ENOX1: variants seen among roughly 807,000 people sequenced by gnomAD.
ENOX1 encodes the protein ecto-NOX disulfide-thiol exchanger 1.
In ENOX1, 42 loss-of-function variants were observed where a neutral mutation model predicts 82.5. The ratio of observed to expected loss-of-function variants is 0.51; its 90% CI spans 0.40 to 0.66. ENOX1 has a LOEUF of 0.66. ENOX1 is among the 30% of genes least tolerant of loss of function. The pLI is 0.00. For missense variants in ENOX1, 608 were observed against 811.6 expected, an observed-to-expected ratio of 0.75 and a Z score of 3.05; for synonymous variants, 271 against 282.2, an observed-to-expected ratio of 0.96 and a Z score of 0.40.
At chr13:43,657,297 C>A (rs1353054015) in intron 2 of ENOX1, among the ~76,000 whole-genome samples, 1 of 152,142 alleles carries the variant, frequency 6.6e-6, no homozygotes, top group East Asian at 1.9e-4. Context: ...GCTTTCAATT[C>A]TTTAAGTAAT....
intron 2 of ENOX1, among the ~76,000 whole-genome samples, chr13:43,616,226 G>A (rs1208850747): frequency 1.8e-4 from 14 of 79,906 alleles, no homozygotes; most frequent in Admixed American, 3.3e-4. Flanking sequence ...TTTTTAGGAC[G>A]GAGTCTTACT....
intron 1 of ENOX1, among the ~76,000 whole-genome samples, chr13:43,669,676 C>A (rs954338817): frequency 6.6e-6 from 1 of 152,106 alleles, no homozygotes; most frequent in Non-Finnish European, 1.5e-5. Flanking sequence ...GGAATCAAAT[C>A]CCTGTTATCA....
chr13:43,305,883 C>T lies in ENOX1; in HGVS notation c.1262-7353G>A, dbSNP rs536358422. Among the ~76,000 whole-genome samples, 11 of 152,318 alleles carry T rather than the reference C, an allele frequency of 7.2e-5. No individual in the cohort carries two copies. In the East Asian group the frequency reaches 1.2e-3, roughly 16 times the overall value. ...CTCCGGGAAACACATCAGAAGTGAA[C>T]GCTGCAAGCATGAGCTGAGCTCCCT... is the stretch of plus-strand genomic sequence containing the variant. On this transcript the variant is annotated intron_variant, in intron 11 of 16. Transcript: ENST00000690772.
intron 2 of ENOX1, among the ~76,000 whole-genome samples, chr13:43,645,063 CAT>C (rs1449352132): frequency 6.6e-6 from 1 of 152,048 alleles, no homozygotes; most frequent in African/African-American, 2.4e-5. Context: ...TATAAAGAAA[CAT>C]GTATCAAATA....
intron 12 of ENOX1, among the ~76,000 whole-genome samples, chr13:43,269,786 A>C (rs2044583018): frequency 6.6e-6 from 1 of 152,216 alleles, no homozygotes; most frequent in African/African-American, 2.4e-5. Flanking sequence ...ATACTGATGC[A>C]CAAAACTTGT....
intron 1 of ENOX1, among the ~76,000 whole-genome samples, chr13:43,720,614 C>T (rs1183986960): frequency 6.6e-6 from 1 of 152,204 alleles, no homozygotes; most frequent in Non-Finnish European, 1.5e-5. Context: ...CTGCTGTCAT[C>T]ATCTTGACAT....
At chr13:43,458,916 T>C (rs772932971) in intron 3 of ENOX1, 7 of 152,242 alleles carry the variant, frequency 4.6e-5, no homozygotes, top group African/African-American at 7.2e-5. Context: ...TCCCCCTTTT[T>C]TCTTTTCTTT....
intron 3 of ENOX1, among the ~76,000 whole-genome samples, chr13:43,444,162 GCACCCCTTTT>G (rs2056505487): frequency 6.6e-6 from 1 of 152,082 alleles, no homozygotes; most frequent in Non-Finnish European, 1.5e-5. Flanking sequence ...GACTGCAATA[GCACCCCTTTT>G]CAGTCTGCTT....
chr13:43,743,054 T>C (rs1302602274), intron 1 of ENOX1, among the ~76,000 whole-genome samples: 1 of 152,176 alleles, frequency 6.6e-6, no homozygotes, highest in Non-Finnish European at 1.5e-5. Flanking sequence ...AGAGGCTGTT[T>C]ATTCACTGAA....
chr13:43,659,992 C>G (rs904429039), intron 2 of ENOX1, among the ~76,000 whole-genome samples: 48 of 152,150 alleles, frequency 3.2e-4, no homozygotes, highest in African/African-American at 1.1e-3. Flanking sequence ...AAAACATAAT[C>G]TTCATCCCTC....
chr13:43,577,717 T>G (rs541202841), intron 2 of ENOX1, among the ~76,000 whole-genome samples: 1 of 152,258 alleles, frequency 6.6e-6, no homozygotes, highest in Non-Finnish European at 1.5e-5. Flanking sequence ...AACACATGAA[T>G]TTTGGAGGAG....
chr13:43,675,699 C>T (rs1013877027), intron 1 of ENOX1, among the ~76,000 whole-genome samples: 1 of 152,150 alleles, frequency 6.6e-6, no homozygotes. Context: ...GAAGGTCACA[C>T]AGCAAGCAGT....
chr13:43,645,701 T>C (rs1165063371), intron 2 of ENOX1, among the ~76,000 whole-genome samples: 1 of 148,768 alleles, frequency 6.7e-6, no homozygotes, highest in Non-Finnish European at 1.5e-5. Context: ...TCCAAATTAT[T>C]TAGTAGAACT....
intron 9 of ENOX1, among the ~76,000 whole-genome samples, chr13:43,341,794 T>A (rs1444054908): frequency 6.6e-6 from 1 of 152,172 alleles, no homozygotes; most frequent in Non-Finnish European, 1.5e-5. Context: ...CCAATTTTAC[T>A]CTGGAGAGCA....
intron 5 of ENOX1, among the ~76,000 whole-genome samples, chr13:43,394,202 C>T (rs1393311005): frequency 6.6e-6 from 1 of 152,208 alleles, no homozygotes; most frequent in Admixed American, 6.5e-5. Flanking sequence ...TATCAATAGG[C>T]TTTTCCTTTA....
chr13:43,430,602 A>G (rs1310041638), intron 3 of ENOX1, among the ~76,000 whole-genome samples: 1 of 152,184 alleles, frequency 6.6e-6, no homozygotes, highest in Non-Finnish European at 1.5e-5. Context: ...CACAAACCCT[A>G]TGAATTTTTA....
At chr13:43,740,389 T>C (rs1168250273) in intron 1 of ENOX1, among the ~76,000 whole-genome samples, 1 of 152,102 alleles carries the variant, frequency 6.6e-6, no homozygotes, top group African/African-American at 2.4e-5. Flanking sequence ...AATTGGCATA[T>C]GATATCCATT....
At chr13:43,745,991 TC>T (rs1226509579) in intron 1 of ENOX1, among the ~76,000 whole-genome samples, 8 of 152,192 alleles carry the variant, frequency 5.3e-5, no homozygotes, top group African/African-American at 1.9e-4. Context: ...CTTGGGTATG[TC>T]TTTATTAGCA....
chr13:43,544,900 T>C (rs995167145), intron 2 of ENOX1: 3 of 152,086 alleles, frequency 2.0e-5, no homozygotes, highest in African/African-American at 7.2e-5. Flanking sequence ...AAAGAACGAG[T>C]TGATAAGAGA....
Sources: gnomAD v4.1 joint callset for allele counts (sites outside exome capture counted in the v4.1 genomes callset) on GRCh38, gnomAD v4.1.1 for gene constraint, MANE v1.5 for transcripts, NCBI Gene and HGNC (gene_info 2026-07-23, HGNC 2026-07-21) for gene names.